The following HK1 variants were observed in gnomAD, a reference collection of about 807,000 sequenced individuals.
The protein encoded by HK1 is hexokinase-1.
HK1 carries 28 observed loss-of-function variants against 91.6 expected under a neutral mutation model. The observed-to-expected ratio is 0.31, with a 90% confidence interval of 0.23 to 0.42. HK1 has a LOEUF of 0.42. Ranked by LOEUF, HK1 falls within the 10% of genes least tolerant of loss-of-function variation. The probability of loss-of-function intolerance (pLI) is 1.00; values close to 1 mark genes in which losing one functional copy is unlikely to be tolerated. For missense variants in HK1, 770 were observed against 1,219.8 expected (o/e 0.63, Z 5.49); for synonymous variants, 430 against 468.1 (o/e 0.92, Z 1.05).
intron 4 of HK1, chr10:69,300,619 T>C (rs879399063): frequency 2.1e-5 from 15 of 720,086 alleles, no homozygotes; most frequent in Non-Finnish European, 3.8e-5. Flanking sequence ...TTGTTTAGAC[T>C]GCCTGTGAGG....
At chr10:69,276,797 T>C (rs1429116776) in intron 1 of HK1, among the ~76,000 whole-genome samples, 1 of 149,552 alleles carries the variant, frequency 6.7e-6, no homozygotes, top group Non-Finnish European at 1.5e-5. Context: ...CTATTATCTT[T>C]ATATATAATT....
At chr10:69,335,195 C>T (rs576233069) in intron 1 of HK1, among the ~76,000 whole-genome samples, 15 of 152,252 alleles carry the variant, frequency 9.9e-5, no homozygotes, top group Middle Eastern at 3.4e-3. Flanking sequence ...GCTGGGCAGC[C>T]GCAGAAGCCA....
At chr10:69,314,048 C>T (rs1846516012), upstream of HK1, among the ~76,000 whole-genome samples, 1 of 152,156 alleles carries the variant, frequency 6.6e-6, no homozygotes, top group African/African-American at 2.4e-5. Context: ...CAGCCTTCTC[C>T]CGCAGGAAGC....
chr10:69,316,931 C>T (rs920101455), upstream of HK1, among the ~76,000 whole-genome samples: 1 of 152,216 alleles, frequency 6.6e-6, no homozygotes, highest in Admixed American at 6.5e-5. Context: ...TTCTCATTCA[C>T]TCCATTTTGC....
At chr10:69,331,220 G>C (rs570041883) in intron 1 of HK1, among the ~76,000 whole-genome samples, 1 of 152,204 alleles carries the variant, frequency 6.6e-6, no homozygotes, top group African/African-American at 2.4e-5. Context: ...CCTTATGAAG[G>C]CTTCTGCGTC....
At chr10:69,352,295 A>T (rs1348309917) in intron 2 of HK1, among the ~76,000 whole-genome samples, 1 of 152,056 alleles carries the variant, frequency 6.6e-6, no homozygotes, top group African/African-American at 2.4e-5. Context: ...GCCCGGCTGA[A>T]TTCAATTTTT....
intron 15 of HK1, among the ~76,000 whole-genome samples, chr10:69,393,889 T>C (rs1418752555): frequency 3.3e-5 from 5 of 152,112 alleles, no homozygotes; most frequent in Admixed American, 6.6e-5. Context: ...CTACTAAAAA[T>C]TAATAACAAT....
At chr10:69,365,944 G>T (rs1849678437) in intron 4 of HK1, among the ~76,000 whole-genome samples, 1 of 152,112 alleles carries the variant, frequency 6.6e-6, no homozygotes. Flanking sequence ...CAATTCTCCT[G>T]CCTTAGCCCC....
intron 1 of HK1, among the ~76,000 whole-genome samples, chr10:69,341,975 C>T (rs527640427): frequency 6.6e-6 from 1 of 152,132 alleles, no homozygotes; most frequent in African/African-American, 2.4e-5. Context: ...TGGTGAAACC[C>T]TGTCTCTACT....
At chr10:69,295,788 G>A (rs1845535688) in intron 4 of HK1, 2 of 773,348 alleles carry the variant, frequency 2.6e-6, no homozygotes, top group East Asian at 5.2e-5. Flanking sequence ...AAGCAGCTGT[G>A]CAGTGGCTTC....
At chr10:69,381,057 C>T (rs577182334) in intron 9 of HK1, among the ~76,000 whole-genome samples, 1 of 152,272 alleles carries the variant, frequency 6.6e-6, no homozygotes, top group African/African-American at 2.4e-5. Flanking sequence ...AATCCCAGCA[C>T]TTTGGGAGGC....
At chr10:69,327,056 G>A (rs1212859622) in intron 1 of HK1, among the ~76,000 whole-genome samples, 4 of 146,484 alleles carry the variant, frequency 2.7e-5, no homozygotes, top group African/African-American at 1.0e-4. Context: ...CCAGGCTGGA[G>A]TGCAGTGGCA....
intron 2 of HK1, among the ~76,000 whole-genome samples, chr10:69,288,022 C>A (rs11818799): frequency 0.023 from 3,437 of 151,964 alleles, 139 homozygotes; most frequent in African/African-American, 0.078. Context: ...GTGGCCCATG[C>A]CTGTGGTTGC....
At chr10:69,274,375 A>G (rs904728262) in intron 1 of HK1, among the ~76,000 whole-genome samples, 2 of 152,120 alleles carry the variant, frequency 1.3e-5, no homozygotes, top group Non-Finnish European at 2.9e-5. Context: ...AAGCAGGTAG[A>G]TCACCTGAGG....
In HK1 at chr10:69,380,039, A is replaced by C; in HGVS notation, c.1209A>C (p.Thr403=). 1 of 1,614,144 alleles carries C rather than the reference A, an allele frequency of 6.2e-7. No homozygotes were observed. The highest frequency in any genetic ancestry group is 8.5e-7 in the Non-Finnish European group (1 of 1,179,996). ...ILNRLRDNKG[T]PRLRTTVGVD... ...ACCGCCTGCGTGATAACAAGGGCACACCCAGGCTGCGGACCACGGTTGGTG... is the reference window on the plus strand; with the variant it reads ...ACCGCCTGCGTGATAACAAGGGCACCCCCAGGCTGCGGACCACGGTTGGTG... The change falls in exon 9 of 18, where the codon ACA becomes ACC. Residue 403 remains threonine (T), a synonymous_variant. Transcript: ENST00000359426. The surrounding 1 kb of genome is among the most constrained non-coding windows in gnomAD (Gnocchi z 4.0).
chr10:69,300,884 C>T, intron 5 of HK1: 1 of 1,128,384 alleles, frequency 8.9e-7, no homozygotes, highest in Non-Finnish European at 1.3e-6. Context: ...TCCTGGAATA[C>T]CCACAAAAAC....
In HK1 at chr10:69,290,060, C is replaced by T. The variant is rs552766112; in HGVS notation, c.-115+1290C>T. Among the ~76,000 whole-genome samples the T allele has an allele frequency of 1.8e-4, 28 of 152,234 alleles. No individual in the cohort carries two copies. In the East Asian group the frequency reaches 5.4e-3, roughly 29 times the overall value. On this transcript the variant is annotated intron_variant, in intron 3 of 21. Coordinates refer to the HK1 transcript ENST00000360289. ...TAATCTATGCTGTAGGTGGGTCCCT[C>T]TGAAGCAAGGACTACAGCTGTTCCA...
intron 3 of HK1, chr10:69,292,405 G>A: frequency 4.6e-6 from 2 of 435,206 alleles, no homozygotes; most frequent in Middle Eastern, 3.3e-4. Flanking sequence ...AGGACAAGAA[G>A]TGCTGGAAAG....
At chr10:69,324,274 C>T (rs533780312) in intron 1 of HK1, among the ~76,000 whole-genome samples, 5 of 152,224 alleles carry the variant, frequency 3.3e-5, no homozygotes, top group African/African-American at 1.2e-4. Context: ...AAGGCAGAAA[C>T]GGTCCCAGTT....
Sources: gnomAD v4.1 joint callset for allele counts (sites outside exome capture counted in the v4.1 genomes callset) on GRCh38, gnomAD v4.1.1 for gene constraint, Gnocchi (gnomAD v3.1) non-coding constraint, MANE v1.5 for transcripts, NCBI Gene and HGNC (gene_info 2026-07-23, HGNC 2026-07-21) for gene names.